Variants in CCT3 observed in about 807,000 individuals in gnomAD.
CCT3 encodes the protein chaperonin containing TCP1 subunit 3.
CCT3 carries 10 observed loss-of-function variants against 65.3 expected under a neutral mutation model. The ratio of observed to expected loss-of-function variants is 0.15; its 90% CI spans 0.09 to 0.26. CCT3 has a LOEUF of 0.26. Ranked by LOEUF, CCT3 falls within the 10% of genes least tolerant of loss-of-function variation. The pLI is 1.00. For synonymous variants in CCT3, 225 were observed against 242.3 expected (o/e 0.93, Z 0.66); for missense variants, 626 against 708.7 (o/e 0.88, Z 1.33).
intron 13 of CCT3, among the ~76,000 whole-genome samples, chr1:156,310,037 C>CAAAAAA (rs71080758): frequency 1.3e-5 from 1 of 76,494 alleles, no homozygotes; most frequent in Non-Finnish European, 2.3e-5. Context: ...TAGTCTGTTT[C>CAAAAAA]AAAAAAAAAA....
rs1336928554 is a variant in CCT3 at position 156,320,890 on chromosome 1, C to T, written c.558G>A (p.Glu186=). Residue 186 remains glutamate, a synonymous_variant, in exon 7 of 14, where the codon GAG becomes GAA. Transcript: ENST00000295688. ...TGTCAATCTCTTTCCGACCATTCTC[C>T]TCAAACTGTACCATCTTGACAGCAT... ...ALDAVKMVQF[E]ENGRKEIDIK... 1 of 1,613,752 alleles carries T rather than the reference C, an allele frequency of 6.2e-7. No individual in the cohort carries two copies. Among genetic ancestry groups the T allele is most frequent in the Non-Finnish European group, 8.5e-7 (1 of 1,179,846 alleles).
Position 156,309,040 on chromosome 1 carries a change from G to A in CCT3, c.*159C>T. On this transcript the variant is annotated 3_prime_UTR_variant, in exon 14 of 14. Coordinates refer to ENST00000295688, the MANE Select transcript of CCT3 (RefSeq NM_005998.5). ...TACAATAGAGAAGAATTACATGTCA[G>A]TGTCTTTTGGAAAACTGAGCTGGGA... 1.6e-6 allele frequency: 1 copy of A among 607,188 alleles called. No homozygotes were observed. Among genetic ancestry groups the A allele is most frequent in the Non-Finnish European group, 2.9e-6 (1 of 338,986 alleles). 37.6% of individuals were successfully genotyped at this position (607,188 alleles called of 1,614,324 possible).
chr1:156,316,279 T>C (rs1455665137), intron 10 of CCT3, among the ~76,000 whole-genome samples: 2 of 152,186 alleles, frequency 1.3e-5, no homozygotes, highest in Non-Finnish European at 2.9e-5. Flanking sequence ...TATACACAAA[T>C]ACCATACCAT....
At chr1:156,323,754 C>T (rs1350867049) in intron 6 of CCT3, among the ~76,000 whole-genome samples, 9 of 151,446 alleles carry the variant, frequency 5.9e-5, no homozygotes, top group African/African-American at 9.7e-5. Context: ...CGTGAGCCAC[C>T]GCACCCAGCC....
At position 156,309,061 on chromosome 1, in the gene CCT3, T is replaced by C. The variant is rs1663957586; in HGVS notation, c.*138A>G. 13 of 646,746 alleles carry C rather than the reference T, an allele frequency of 2.0e-5. No homozygotes were observed. The South Asian group carries it at 2.5e-4, about 12-fold the overall frequency. The allele number at this position is 646,746 out of a possible 1,614,324, so 40.1% of individuals were successfully genotyped here. A position where few individuals can be genotyped will look rare whatever the true frequency, so the allele number is the denominator to read the frequency against. On this transcript the variant is annotated 3_prime_UTR_variant, in exon 14 of 14. Coordinates refer to ENST00000295688, the MANE Select transcript of CCT3 (RefSeq NM_005998.5). ...GTCAGTGTCTTTTGGAAAACTGAGC[T>C]GGGACAGAAAGGGACTGGGGGCTGC...
At chr1:156,313,880 G>GA (rs955582944) in intron 10 of CCT3, among the ~76,000 whole-genome samples, 4 of 152,134 alleles carry the variant, frequency 2.6e-5, no homozygotes, top group African/African-American at 9.7e-5. Flanking sequence ...ACGAGGTCAA[G>GA]AGATTGAGAC....
At chr1:156,312,780 T>C (rs759361729) in intron 10 of CCT3, among the ~76,000 whole-genome samples, 10 of 152,194 alleles carry the variant, frequency 6.6e-5, no homozygotes, top group African/African-American at 9.7e-5. Flanking sequence ...TTGAGAAATA[T>C]ACCTATTAAT....
intron 8 of CCT3, 82 bp from the exon 9 acceptor site, chr1:156,317,629 A>C: frequency 2.4e-6 from 3 of 1,272,764 alleles, no homozygotes; most frequent in Non-Finnish European, 2.2e-6. Flanking sequence ...CCTTCCACCC[A>C]CCTCTCCCAC....
chr1:156,311,912 G>T (rs531401365), intron 11 of CCT3, 129 bp downstream of exon 11: 417 of 565,354 alleles, frequency 7.4e-4, no homozygotes, highest in Non-Finnish European at 1.1e-3. Flanking sequence ...AAGCAGAAAA[G>T]GAATTTGTGG....
Position 156,335,088 on chromosome 1 carries a change from C to T in CCT3, c.94-170G>A, listed in dbSNP as rs536814500. ...GTCTCACCATGTTGCTCGGGCTGGT[C>T]TCAAACCCCTGGGCCCAAGTGATCC... On this transcript the variant is annotated intron_variant, in intron 2 of 13. Transcript: ENST00000295688. The T allele has an allele frequency of 9.2e-5, 54 of 587,212 alleles. No individual in the cohort carries two copies. In the African/African-American group the frequency reaches 9.3e-4, roughly 10 times the overall value. 36.4% of individuals were successfully genotyped at this position (587,212 alleles called of 1,614,324 possible).
Position 156,322,514 on chromosome 1 carries a change from T to A in CCT3, c.423-1489A>T, listed in dbSNP as rs568976384. On this transcript the variant is annotated intron_variant, in intron 6 of 13. Transcript: ENST00000295688. ...CCCCGCCACCCCAAAAAAATTTTTT[T>A]AATAAGATTAAAGTGTTCTAGGTAG... Among the ~76,000 whole-genome samples, 23 of 152,006 alleles carry A rather than the reference T, an allele frequency of 1.5e-4. No individual in the cohort carries two copies. The East Asian group carries it at 2.3e-3, about 15-fold the overall frequency.
intron 10 of CCT3, among the ~76,000 whole-genome samples, chr1:156,316,653 G>A (rs982558164): frequency 6.6e-6 from 1 of 152,190 alleles, no homozygotes; most frequent in Non-Finnish European, 1.5e-5. Flanking sequence ...CTTGAGCCCA[G>A]GAGTTTGAGA....
chr1:156,318,059 G>A (rs1190253219), intron 8 of CCT3, among the ~76,000 whole-genome samples: 2 of 151,956 alleles, frequency 1.3e-5, no homozygotes, highest in African/African-American at 2.4e-5. Context: ...AAGTCACACA[G>A]TAATTAGTGT....
chr1:156,310,865 T>G, intron 12 of CCT3, 85 bp downstream of exon 12: 1 of 1,518,876 alleles, frequency 6.6e-7, no homozygotes, highest in Non-Finnish European at 8.9e-7. Flanking sequence ...TAAAGAGAAT[T>G]TGGATAGCCA....
chr1:156,337,255 A>C, intron 1 of CCT3: 1 of 343,800 alleles, frequency 2.9e-6, no homozygotes, highest in South Asian at 2.1e-5. Flanking sequence ...CAAAAATACA[A>C]AAATTAGCCG....
intron 5 of CCT3, among the ~76,000 whole-genome samples, chr1:156,328,471 GAGA>G (rs1245108520): frequency 6.6e-6 from 1 of 152,082 alleles, no homozygotes; most frequent in Non-Finnish European, 1.5e-5. Context: ...TCTGTGTAGA[GAGA>G]AGTAGACATG....
chr1:156,337,884 G>A (rs1665509823), intron 1 of CCT3: 2 of 528,568 alleles, frequency 3.8e-6, no homozygotes, highest in South Asian at 2.6e-5. Flanking sequence ...TGGGGGCTGA[G>A]GGACAGAACG....
rs1664738990 is a variant in CCT3, at chr1:156,324,958, T to G, written c.422+14A>C. 3 of 1,546,794 alleles carry G rather than the reference T, an allele frequency of 1.9e-6. No homozygotes were observed. Among genetic ancestry groups the G allele is most frequent in the Non-Finnish European group, 2.7e-6 (3 of 1,119,210 alleles). On this transcript the variant is annotated intron_variant, in intron 6 of 13. Transcript: ENST00000295688. ...CTCATATTTGATACTACCTATTTCT[T>G]GCCCCCAAGATACCTTATTTTCTTT... is the stretch of plus-strand genomic sequence containing the variant.
At chr1:156,315,743 C>T (rs1372826068) in intron 10 of CCT3, among the ~76,000 whole-genome samples, 2 of 152,092 alleles carry the variant, frequency 1.3e-5, no homozygotes. Flanking sequence ...ACACTTAAGG[C>T]AACTAGTCAT....
Sources: allele counts gnomAD v4.1 joint callset (sites outside exome capture counted in the v4.1 genomes callset), GRCh38; gene constraint gnomAD v4.1.1; transcripts MANE v1.5; gene names NCBI Gene and HGNC (gene_info 2026-07-23, HGNC 2026-07-21).